Variants in KDM4C observed in about 807,000 individuals in gnomAD.
KDM4C encodes the protein lysine demethylase 4C.
KDM4C carries 81 observed loss-of-function variants against 129.3 expected under a neutral mutation model. The observed-to-expected ratio is 0.63, with a 90% CI of 0.52 to 0.75. KDM4C has a LOEUF of 0.75. Among genes scored for constraint, KDM4C ranks in the 30% least tolerant of loss-of-function variants. The pLI, the probability that KDM4C is intolerant of heterozygous loss-of-function variation, is 0.00. For synonymous variants in KDM4C, 573 were observed against 456.1 expected (o/e 1.26, Z -3.26); for missense variants, 1,457 against 1,304.0 (o/e 1.12, Z -1.81).
chr9:6,778,686 G>C (rs893574765), intron 1 of KDM4C, among the ~76,000 whole-genome samples: 1 of 151,876 alleles, frequency 6.6e-6, no homozygotes, highest in African/African-American at 2.4e-5. Context: ...AGAATCTCTT[G>C]AACCCAGGAA....
At chr9:7,170,445 T>A (rs1317299189) in intron 21 of KDM4C, 10 of 986,882 alleles carry the variant, frequency 1.0e-5, no homozygotes, top group Non-Finnish European at 1.2e-5. Flanking sequence ...ACTAAAGCAG[T>A]TTTTTAAAAA....
At chr9:6,916,340 C>T (rs984800204) in intron 8 of KDM4C, among the ~76,000 whole-genome samples, 13 of 151,016 alleles carry the variant, frequency 8.6e-5, no homozygotes, top group African/African-American at 3.2e-4. Flanking sequence ...AATGTGTTTG[C>T]AATTTTAATG....
intron 8 of KDM4C, among the ~76,000 whole-genome samples, chr9:6,958,868 G>C (rs561960981): frequency 2.0e-5 from 3 of 151,982 alleles, no homozygotes; most frequent in Admixed American, 2.0e-4. Flanking sequence ...AGCTGGTCTC[G>C]AACTCCTGGG....
intron 1 of KDM4C, chr9:6,749,051 C>T (rs1030884326): frequency 7.1e-6 from 4 of 565,078 alleles, no homozygotes; most frequent in African/African-American, 1.9e-5. Flanking sequence ...TGGAGTTTTG[C>T]TCTTGTTGCC....
chr9:7,051,749 C>T (rs961269746), intron 17 of KDM4C, among the ~76,000 whole-genome samples: 4 of 152,118 alleles, frequency 2.6e-5, no homozygotes, highest in Admixed American at 6.6e-5. Flanking sequence ...CCTCTTCATA[C>T]AACTGGAAAA....
At chr9:6,783,159 G>A (rs1824730883) in intron 1 of KDM4C, among the ~76,000 whole-genome samples, 2 of 152,068 alleles carry the variant, frequency 1.3e-5, no homozygotes, top group African/African-American at 4.8e-5. Flanking sequence ...AGGGTTTTGT[G>A]GTCCTCTCTG....
intron 17 of KDM4C, among the ~76,000 whole-genome samples, chr9:7,074,971 A>G (rs1293176259): frequency 6.6e-6 from 1 of 152,180 alleles, no homozygotes; most frequent in Non-Finnish European, 1.5e-5. Flanking sequence ...CAGCGAATGG[A>G]TGATTTTCAT....
At chr9:6,837,444 G>T (rs778002549) in intron 4 of KDM4C, among the ~76,000 whole-genome samples, 17 of 152,090 alleles carry the variant, frequency 1.1e-4, no homozygotes, top group Non-Finnish European at 1.8e-4. Context: ...AGTGATTTTC[G>T]TGCAGCCATC....
rs750232133 is a variant in KDM4C at position 7,165,383 on chromosome 9, T to C, written c.2901+26T>C. On this transcript the variant is annotated intron_variant, in intron 20 of 21. Transcript: ENST00000381309. ...GTGGGTTCTTCCTTCTCTGTGATGC[T>C]TGCTAAGATTGACATGATAAGTCAG... The C allele has an allele frequency of 1.9e-6, 3 of 1,609,890 alleles. No homozygotes were observed. The Admixed American group carries it at 5.0e-5, about 27-fold the overall frequency.
chr9:6,845,884 G>T (rs985005125), intron 4 of KDM4C, among the ~76,000 whole-genome samples: 1 of 152,178 alleles, frequency 6.6e-6, no homozygotes, highest in African/African-American at 2.4e-5. Flanking sequence ...AACTTGGGCT[G>T]GTGTGCAGCC....
In KDM4C at chr9:6,805,606, C is replaced by T; in HGVS notation, c.152C>T (p.Pro51Leu). The change falls in exon 3 of 22, where the codon CCT becomes CTT. Residue 51 changes from proline (P) to leucine (L), a missense_variant. Coordinates refer to ENST00000381309, the MANE Select transcript of KDM4C (RefSeq NM_015061.6). ...TCATTATTTTATTTTTAGGTGATTC[C>T]TCCTAAGGAGTGGAAGCCAAGACAG... ...AHRAGLAKVI[P>L]PKEWKPRQCY... 6.2e-7 allele frequency: 1 copy of T among 1,605,304 alleles called. No individual in the cohort carries two copies. The highest frequency in any genetic ancestry group is 8.5e-7 in the Non-Finnish European group (1 of 1,176,922).
intron 4 of KDM4C, among the ~76,000 whole-genome samples, chr9:6,828,599 G>GGTGGCTCACGTCTGTAATCCCAGTACTTT (rs1834280221): frequency 6.6e-6 from 1 of 151,836 alleles, no homozygotes; most frequent in African/African-American, 2.4e-5. Flanking sequence ...GGCCAGGTGC[G>GGTGGCTCACGTCTGTAATCCCAGTACTTT]GTGGCTCACG....
At chr9:6,868,325 C>T (rs376016563) in intron 5 of KDM4C, among the ~76,000 whole-genome samples, 9 of 152,124 alleles carry the variant, frequency 5.9e-5, no homozygotes, top group East Asian at 3.9e-4. Context: ...AATATCCTCA[C>T]GTGAAGAGAG....
chr9:7,022,454 G>T (rs973273432), intron 15 of KDM4C, among the ~76,000 whole-genome samples: 4 of 151,798 alleles, frequency 2.6e-5, no homozygotes, highest in Non-Finnish European at 4.4e-5. Context: ...TTTTTAGATT[G>T]TTCACTGTTG....
rs1239228121 is a variant in KDM4C, at chr9:6,758,457, C to G, written c.-18+254C>G. 6.6e-6 allele frequency among the ~76,000 whole-genome samples: 1 copy of G among 152,352 alleles called. No individual in the cohort carries two copies. Among genetic ancestry groups the G allele is most frequent in the East Asian group, 1.9e-4 (1 of 5,164 alleles). ...CCCTTACCGAGGTTCGGTACCCGCG[C>G]TCGCCGTTTTCCCGGGATCCGGAGT... On this transcript the variant is annotated intron_variant, in intron 1 of 21. Transcript: ENST00000381309. The surrounding 1 kb of genome is among the most constrained non-coding windows in gnomAD (Gnocchi z 4.6).
At chr9:6,819,290 C>G (rs1832633027) in intron 4 of KDM4C, among the ~76,000 whole-genome samples, 1 of 152,194 alleles carries the variant, frequency 6.6e-6, no homozygotes, top group South Asian at 2.1e-4. Flanking sequence ...TATCAATTTA[C>G]TGCTTGTGTT....
At chr9:6,755,156 G>T (rs906606396), upstream of KDM4C, among the ~76,000 whole-genome samples, 3 of 152,208 alleles carry the variant, frequency 2.0e-5, no homozygotes, top group African/African-American at 7.2e-5. Context: ...TGGATCACAA[G>T]GTCAGGAGAT....
chr9:7,029,644 AT>A (rs1156985881), intron 15 of KDM4C, among the ~76,000 whole-genome samples: 1 of 152,158 alleles, frequency 6.6e-6, no homozygotes, highest in Admixed American at 6.5e-5. Context: ...TTATTTTTTA[AT>A]TTGGGGGACA....
At position 6,867,101 on chromosome 9, in the gene KDM4C, C is replaced by T. The variant is rs577625918; in HGVS notation, c.630-12911C>T. Among the ~76,000 whole-genome samples the T allele has an allele frequency of 8.5e-4, 128 of 150,272 alleles. 1 individual carries two copies. The highest frequency in any genetic ancestry group is 3.0e-3 in the African/African-American group (122 of 40,824). ...TGTGATCTCAGCTCACTGCAACCTC[C>T]GCCTGCCGGGTTCAAGCAATTCCCC... On this transcript the variant is annotated intron_variant, in intron 5 of 21. Transcript: ENST00000381309.
Sources: gnomAD v4.1 joint callset for allele counts (sites outside exome capture counted in the v4.1 genomes callset) on GRCh38, gnomAD v4.1.1 for gene constraint, Gnocchi (gnomAD v3.1) non-coding constraint, MANE v1.5 for transcripts, NCBI Gene and HGNC (gene_info 2026-07-23, HGNC 2026-07-21) for gene names.